Variants in NCKAP5 observed in about 807,000 individuals in gnomAD.
The protein encoded by NCKAP5 is nck-associated protein 5.
Under a neutral mutation model 167.0 loss-of-function variants are expected in NCKAP5, and 92 were observed. The observed-to-expected ratio is 0.55, with a 90% CI of 0.47 to 0.66. The LOEUF (loss-of-function observed/expected upper bound fraction) is 0.66, where lower values mean the gene tolerates loss of function less well. Among genes scored for constraint, NCKAP5 ranks in the 30% least tolerant of loss-of-function variants. The probability of loss-of-function intolerance (pLI) is 0.00; values close to 1 mark genes in which losing one functional copy is unlikely to be tolerated. For missense variants in NCKAP5, 2,378 were observed against 2,315.0 expected (o/e 1.03, Z -0.56); for synonymous variants, 891 against 877.4 (o/e 1.02, Z -0.27).
At chr2:133,107,623 C>T (rs890291135) in intron 6 of NCKAP5, among the ~76,000 whole-genome samples, 1 of 152,160 alleles carries the variant, frequency 6.6e-6, no homozygotes, top group Non-Finnish European at 1.5e-5. Flanking sequence ...ATGACAAGCA[C>T]CTCCAGGCAG....
At chr2:133,576,400 A>G in the NCKAP5 span, among the ~76,000 whole-genome samples, 3 of 152,224 alleles carry the variant, frequency 2.0e-5, no homozygotes, top group African/African-American at 7.2e-5. Context: ...ACATGAATCT[A>G]CTAATCTTTG....
At chr2:133,332,637 A>G (rs1374491062) in intron 3 of NCKAP5, among the ~76,000 whole-genome samples, 1 of 152,206 alleles carries the variant, frequency 6.6e-6, no homozygotes, top group East Asian at 1.9e-4. Context: ...TTTGAAAAGA[A>G]AATTTTTAAG....
the NCKAP5 span, among the ~76,000 whole-genome samples, chr2:133,661,201 G>C: frequency 6.6e-6 from 1 of 152,064 alleles, no homozygotes; most frequent in Non-Finnish European, 1.5e-5. Flanking sequence ...ATGAAAGAGA[G>C]ATGTTTGCCT....
chr2:133,371,647 G>A (rs1190548079), intron 3 of NCKAP5, among the ~76,000 whole-genome samples: 1 of 152,182 alleles, frequency 6.6e-6, no homozygotes, highest in African/African-American at 2.4e-5. Context: ...AATCTGCTAT[G>A]TAAAGTTTGT....
intron 3 of NCKAP5, among the ~76,000 whole-genome samples, chr2:133,479,312 A>T (rs1438834378): frequency 6.6e-6 from 1 of 152,246 alleles, no homozygotes; most frequent in Non-Finnish European, 1.5e-5. Context: ...CATAATCCTT[A>T]TGAATTTATA....
chr2:133,667,795 T>C, the NCKAP5 span, among the ~76,000 whole-genome samples: 1 of 152,046 alleles, frequency 6.6e-6, no homozygotes, highest in Non-Finnish European at 1.5e-5. Flanking sequence ...ATATAATTTA[T>C]ATGTAATAAA....
chr2:132,808,987 A>G (rs573930337), intron 11 of NCKAP5, among the ~76,000 whole-genome samples: 1 of 152,212 alleles, frequency 6.6e-6, no homozygotes, highest in Non-Finnish European at 1.5e-5. Flanking sequence ...CATTCTGTTC[A>G]AAGAATTTTT....
At chr2:133,503,261 G>A (rs1682699859) in intron 3 of NCKAP5, among the ~76,000 whole-genome samples, 1 of 152,186 alleles carries the variant, frequency 6.6e-6, no homozygotes, top group South Asian at 2.1e-4. Flanking sequence ...TGTACTGGGG[G>A]TATAACTGTG....
intron 19 of NCKAP5, among the ~76,000 whole-genome samples, chr2:132,719,781 G>C (rs941329639): frequency 6.6e-6 from 1 of 152,238 alleles, no homozygotes; most frequent in Admixed American, 6.5e-5. Flanking sequence ...GACGATGAGA[G>C]CGGGAGAGTC....
intron 3 of NCKAP5, among the ~76,000 whole-genome samples, chr2:133,423,365 C>T (rs1689600308): frequency 6.6e-6 from 1 of 152,160 alleles, no homozygotes; most frequent in Non-Finnish European, 1.5e-5. Flanking sequence ...AGTTTGATTT[C>T]AGCCCATTAA....
intron 5 of NCKAP5, among the ~76,000 whole-genome samples, chr2:133,137,415 T>A (rs1225336702): frequency 8.0e-6 from 1 of 125,180 alleles, no homozygotes; most frequent in African/African-American, 2.8e-5. Flanking sequence ...TTTGTGTGTG[T>A]GTGTGTGTGT....
intron 4 of NCKAP5, among the ~76,000 whole-genome samples, chr2:133,290,451 G>C (rs1679496517): frequency 1.3e-5 from 2 of 152,130 alleles, no homozygotes; most frequent in African/African-American, 2.4e-5. Flanking sequence ...GATTATTATT[G>C]CTACTGGTTA....
intron 2 of NCKAP5, among the ~76,000 whole-genome samples, chr2:133,529,187 G>A (rs1685159649): frequency 6.6e-6 from 1 of 151,610 alleles, no homozygotes; most frequent in African/African-American, 2.4e-5. Flanking sequence ...TATTTTCTTT[G>A]TAAAAGATAT....
intron 3 of NCKAP5, among the ~76,000 whole-genome samples, chr2:133,384,149 G>A (rs371666258): frequency 1.3e-5 from 2 of 152,150 alleles, no homozygotes; most frequent in Non-Finnish European, 1.5e-5. Flanking sequence ...TGTCCTGAAT[G>A]GTATTGCCTA....
chr2:133,298,992 C>T (rs534945068), intron 4 of NCKAP5, among the ~76,000 whole-genome samples: 1 of 151,718 alleles, frequency 6.6e-6, no homozygotes, highest in African/African-American at 2.4e-5. Flanking sequence ...CAAACCTGCA[C>T]GTTGTGCACA....
intron 3 of NCKAP5, among the ~76,000 whole-genome samples, chr2:133,328,013 G>A (rs1004542923): frequency 1.1e-4 from 16 of 152,022 alleles, no homozygotes. Context: ...GGTTGATCTA[G>A]ACCAAATACT....
chr2:132,735,600 T>C (rs192739254), intron 16 of NCKAP5, among the ~76,000 whole-genome samples: 1 of 152,338 alleles, frequency 6.6e-6, no homozygotes, highest in East Asian at 1.9e-4. Context: ...AACAATGGCC[T>C]AATACACCTC....
rs72992850 is a variant in NCKAP5 at position 132,877,255 on chromosome 2, T to A, written c.648+1593A>T. Among the ~76,000 whole-genome samples the A allele has an allele frequency of 2.7e-3, 413 of 152,342 alleles. 2 individuals carry two copies. Among genetic ancestry groups the A allele is most frequent in the African/African-American group, 8.7e-3 (362 of 41,578 alleles). ...CATTGTCAAGATTATTCTGGTCTTT[T>A]AAGGTCCTGACAGGGCAGAGAATTG... On this transcript the variant is annotated intron_variant, in intron 9 of 19. Transcript: ENST00000409261.
At chr2:133,441,871 G>C (rs1690883362) in intron 3 of NCKAP5, among the ~76,000 whole-genome samples, 1 of 152,082 alleles carries the variant, frequency 6.6e-6, no homozygotes, top group Non-Finnish European at 1.5e-5. Flanking sequence ...TTTAAATATA[G>C]ACTCTTCTCT....
Sources: gnomAD v4.1 joint callset for allele counts (sites outside exome capture counted in the v4.1 genomes callset) on GRCh38, gnomAD v4.1.1 for gene constraint, MANE v1.5 for transcripts, NCBI Gene and HGNC (gene_info 2026-07-23, HGNC 2026-07-21) for gene names.